The following CEP112 variants were observed in gnomAD, a reference collection of about 807,000 sequenced individuals.
The protein encoded by CEP112 is centrosomal protein of 112 kDa.
In CEP112, 127 loss-of-function variants were observed where a neutral mutation model predicts 153.0. The ratio of observed to expected loss-of-function variants is 0.83; its 90% confidence interval spans 0.72 to 0.96. The LOEUF (loss-of-function observed/expected upper bound fraction) is 0.96. CEP112 is among the 40% of genes least tolerant of loss of function. The pLI, the probability that CEP112 is intolerant of heterozygous loss-of-function variation, is 0.00. For missense variants in CEP112, 1,089 were observed against 1,101.2 expected (o/e 0.99, Z 0.16); for synonymous variants, 358 against 374.4 (o/e 0.96, Z 0.51).
At chr17:65,807,181 G>A (rs1214577916) in intron 21 of CEP112, among the ~76,000 whole-genome samples, 2 of 152,112 alleles carry the variant, frequency 1.3e-5, no homozygotes, top group African/African-American at 4.8e-5. Context: ...CCCTGCCCTC[G>A]AGATCTCTAA....
At chr17:65,646,901 G>A (rs1355754328) in intron 24 of CEP112, among the ~76,000 whole-genome samples, 1 of 152,118 alleles carries the variant, frequency 6.6e-6, no homozygotes, top group Non-Finnish European at 1.5e-5. Context: ...CAATAACAAT[G>A]ACAACAACAA....
chr17:66,124,917 C>T (rs577839463), intron 6 of CEP112, among the ~76,000 whole-genome samples: 2 of 152,108 alleles, frequency 1.3e-5, no homozygotes, highest in Non-Finnish European at 2.9e-5. Context: ...TTTACATTCA[C>T]TTTTAAAAGA....
intron 11 of CEP112, among the ~76,000 whole-genome samples, chr17:66,054,639 T>C (rs2066600170): frequency 6.6e-6 from 1 of 152,216 alleles, no homozygotes; most frequent in African/African-American, 2.4e-5. Flanking sequence ...TTCCTTCACT[T>C]ATCTTAATGG....
chr17:66,120,571 T>A (rs1489614904), intron 6 of CEP112, among the ~76,000 whole-genome samples: 1 of 152,196 alleles, frequency 6.6e-6, no homozygotes, highest in Admixed American at 6.5e-5. Context: ...ATCTATTTCA[T>A]CTTAAGTGAA....
intron 18 of CEP112, among the ~76,000 whole-genome samples, chr17:65,929,871 G>A (rs976285922): frequency 6.6e-6 from 1 of 152,158 alleles, no homozygotes; most frequent in African/African-American, 2.4e-5. Context: ...AAGCATGTTG[G>A]ATCTAACTTT....
At chr17:65,949,269 T>C (rs79687207) in intron 18 of CEP112, among the ~76,000 whole-genome samples, 1 of 152,236 alleles carries the variant, frequency 6.6e-6, no homozygotes, top group Admixed American at 6.5e-5. Flanking sequence ...GGTCCCTTGT[T>C]ACTACACTCA....
intron 17 of CEP112, among the ~76,000 whole-genome samples, chr17:66,002,067 C>CTAATTT (rs1486738517): frequency 6.6e-6 from 1 of 152,104 alleles, no homozygotes; most frequent in East Asian, 1.9e-4. Context: ...GAAACAATAG[C>CTAATTT]AACAGGCAAA....
rs574180446 is a variant in CEP112, at chr17:65,751,905, G to C, written c.2395-1181C>G. On this transcript the variant is annotated intron_variant, in intron 21 of 26. Coordinates refer to ENST00000535342, the MANE Select transcript of CEP112 (RefSeq NM_001199165.4). ...ACTCACACTTTGGCTGCAGAGCACA[G>C]GTGCTCCACCAGTGAGAGCACTGCG... 5.3e-5 allele frequency among the ~76,000 whole-genome samples: 8 copies of C among 152,160 alleles called. No individual in the cohort carries two copies. The South Asian group carries it at 1.7e-3, about 32-fold the overall frequency.
intron 17 of CEP112, among the ~76,000 whole-genome samples, chr17:66,001,585 T>C (rs2145400268): frequency 6.6e-6 from 1 of 152,330 alleles, no homozygotes; most frequent in Non-Finnish European, 1.5e-5. Flanking sequence ...AAACAGAGTT[T>C]GAAAAATTAA....
At chr17:65,775,519 TG>T (rs2053627634) in intron 21 of CEP112, among the ~76,000 whole-genome samples, 2 of 147,760 alleles carry the variant, frequency 1.4e-5, no homozygotes, top group Non-Finnish European at 3.0e-5. Flanking sequence ...TATTTTTTTT[TG>T]AGATGGAGTC....
At position 65,635,756 on chromosome 17, in the gene CEP112, G is replaced by A. The variant is rs562613727; in HGVS notation, c.*215C>T. On this transcript the variant is annotated 3_prime_UTR_variant, in exon 27 of 27. Coordinates refer to ENST00000535342, the MANE Select transcript of CEP112 (RefSeq NM_001199165.4). Reference sequence around the variant, plus strand: ...TCAAATGCACACAAACATGAAAATCGGAAATAAAGGAATGTTAAAAAAATA... The same window carrying A: ...TCAAATGCACACAAACATGAAAATCAGAAATAAAGGAATGTTAAAAAAATA... 4 of 564,896 alleles carry A rather than the reference G, an allele frequency of 7.1e-6. No individual in the cohort carries two copies. Among genetic ancestry groups the A allele is most frequent in the East Asian group, 2.9e-5 (1 of 34,278 alleles). The allele number at this position is 564,896 out of a possible 1,614,324, so 35.0% of individuals were successfully genotyped here.
chr17:66,169,806 T>C (rs1453069921), intron 4 of CEP112, among the ~76,000 whole-genome samples: 2 of 152,232 alleles, frequency 1.3e-5, no homozygotes, highest in Admixed American at 1.3e-4. Context: ...CATCTATTGC[T>C]TTATAACAAA....
intron 24 of CEP112, among the ~76,000 whole-genome samples, chr17:65,686,475 A>G (rs949723807): frequency 2.0e-5 from 3 of 152,238 alleles, no homozygotes; most frequent in Admixed American, 1.3e-4. Context: ...GATGTCAACA[A>G]AAGTTTTACC....
intron 21 of CEP112, among the ~76,000 whole-genome samples, chr17:65,784,928 C>T (rs1395130400): frequency 6.6e-6 from 1 of 152,020 alleles, no homozygotes; most frequent in Admixed American, 6.6e-5. Context: ...TTTTCATCAC[C>T]TCAAAAAAAC....
At chr17:66,032,355 A>G (rs77439326) in intron 12 of CEP112, among the ~76,000 whole-genome samples, 8 of 1,406 alleles carry the variant, frequency 5.7e-3, no homozygotes, top group African/African-American at 7.9e-3. Context: ...ACCAAGTGAA[A>G]AAAAAAAAAA....
At chr17:65,733,924 A>G (rs911380621) in intron 23 of CEP112, among the ~76,000 whole-genome samples, 1 of 152,242 alleles carries the variant, frequency 6.6e-6, no homozygotes, top group African/African-American at 2.4e-5. Context: ...TCTTTTTGAA[A>G]GTCTGCAGTT....
chr17:65,813,100 T>C (rs994005632), intron 21 of CEP112, among the ~76,000 whole-genome samples: 1 of 152,192 alleles, frequency 6.6e-6, no homozygotes, highest in Non-Finnish European at 1.5e-5. Flanking sequence ...CAGGGCATGA[T>C]GGGAAGATTA....
chr17:66,182,097 C>T (rs765296674), intron 2 of CEP112: 1 of 152,176 alleles, frequency 6.6e-6, no homozygotes, highest in Non-Finnish European at 1.5e-5. Flanking sequence ...TCCATGGTTT[C>T]GCTTTCCTCT....
chr17:66,063,163 T>C, intron 10 of CEP112, 82 bp from the exon 11 acceptor site: 1 of 526,560 alleles, frequency 1.9e-6, no homozygotes, highest in Middle Eastern at 4.2e-4. Flanking sequence ...CACCAGTTAG[T>C]AGGTAATTCA....
Sources: gnomAD v4.1 joint callset for allele counts (sites outside exome capture counted in the v4.1 genomes callset) on GRCh38, gnomAD v4.1.1 for gene constraint, MANE v1.5 for transcripts, NCBI Gene and HGNC (gene_info 2026-07-23, HGNC 2026-07-21) for gene names.